Variants in CD226 observed in about 807,000 individuals in gnomAD.
The protein encoded by CD226 is CD226 molecule.
In CD226, 24 loss-of-function variants were observed where a neutral mutation model predicts 34.9. That is an observed-to-expected ratio of 0.69 (90% CI 0.50 to 0.97). The LOEUF is 0.97. Among genes scored for constraint, CD226 ranks in the 50% least tolerant of loss-of-function variants. CD226 has a pLI of 0.00. For missense variants in CD226, 397 were observed against 412.7 expected, an observed-to-expected ratio of 0.96 and a Z score of 0.33; for synonymous variants, 148 against 147.4, an observed-to-expected ratio of 1.00 and a Z score of -0.03.
At chr18:69,887,022 T>C (rs1984595719) in intron 3 of CD226, among the ~76,000 whole-genome samples, 1 of 152,214 alleles carries the variant, frequency 6.6e-6, no homozygotes, top group Admixed American at 6.5e-5. Context: ...TAATAACCCA[T>C]CTCATCTCTC....
Position 69,873,240 on chromosome 18 carries a change from G to A in CD226, c.734C>T (p.Thr245Ile). The A allele has an allele frequency of 6.4e-7, 1 of 1,572,316 alleles. No individual in the cohort carries two copies. Among genetic ancestry groups the A allele is most frequent in the Non-Finnish European group, 8.7e-7 (1 of 1,142,868 alleles). ...VMRLTVAEGKTDNQYTLFVAG... is the reference protein window; with the variant it reads ...VMRLTVAEGKIDNQYTLFVAG... Reference sequence around the variant, plus strand: ...CACAAAGAGGGTATATTGGTTATCGGTTTTACCTAGGAGAGAAAAAAAATA... The same window carrying A: ...CACAAAGAGGGTATATTGGTTATCGATTTTACCTAGGAGAGAAAAAAAATA... The change falls in exon 4 of 6, where the codon ACC becomes ATC. Residue 245 changes from threonine to isoleucine, a missense_variant. Coordinates refer to ENST00000582621, the MANE Select transcript of CD226 (RefSeq NM_001303618.2).
intron 5 of CD226, among the ~76,000 whole-genome samples, chr18:69,866,364 T>C (rs1716409599): frequency 6.6e-6 from 1 of 152,138 alleles, no homozygotes; most frequent in African/African-American, 2.4e-5. Flanking sequence ...AGCATGAAAA[T>C]ACATATCCCT....
At position 69,853,489 on chromosome 18, in the gene CD226, T is replaced by C. The variant is rs1982530829; in HGVS notation, c.*10825A>G. ...CAATGCTTTACTTCTGTGGCTCCTCTTACCCATGGAGTCTTCTAATTCTCA... is the reference window on the plus strand; with the variant it reads ...CAATGCTTTACTTCTGTGGCTCCTCCTACCCATGGAGTCTTCTAATTCTCA... On this transcript the variant is annotated 3_prime_UTR_variant, in exon 6 of 6. Transcript: ENST00000582621. 3 of 152,222 alleles carry C rather than the reference T, an allele frequency of 2.0e-5. No homozygotes were observed. The South Asian group carries it at 6.2e-4, about 32-fold the overall frequency. The allele number at this position is 152,222 out of a possible 1,614,324, so 9.4% of individuals were successfully genotyped here.
Position 69,864,423 on chromosome 18 carries a change from C to G in CD226, c.902G>C (p.Arg301Thr), listed in dbSNP as rs753094424. 4 of 1,613,392 alleles carry G rather than the reference C, an allele frequency of 2.5e-6. No homozygotes were observed. Among genetic ancestry groups the G allele is most frequent in the Non-Finnish European group, 3.4e-6 (4 of 1,179,598 alleles). Reference sequence around the variant, plus strand: ...AGGTTGACTGGTAGAGATGGGACTTCTATAGTTATTGGGTGCCTAGAAAGA... The same window carrying G: ...AGGTTGACTGGTAGAGATGGGACTTGTATAGTTATTGGGTGCCTAGAAAGA... ...WDTQKAPNNY[R>T]SPISTSQPTN... The change falls in exon 6 of 6, where the codon AGA (arginine) becomes ACA (threonine). Residue 301 changes from arginine to threonine, a missense_variant. Physicochemically the swap from Arg to Thr is moderately conservative, Grantham distance 71. Coordinates refer to ENST00000582621, the MANE Select transcript of CD226 (RefSeq NM_001303618.2).
upstream of CD226, among the ~76,000 whole-genome samples, chr18:69,958,603 G>A (rs1378996752): frequency 6.6e-6 from 1 of 152,128 alleles, no homozygotes; most frequent in African/African-American, 2.4e-5. Flanking sequence ...TACCCACGTG[G>A]TTCACAATAG....
Position 69,859,728 on chromosome 18 carries a change from C to CA in CD226, c.*4585dup, listed in dbSNP as rs1982721873. 6.7e-6 allele frequency: 1 copy of CA among 150,356 alleles called. No individual in the cohort carries two copies. Among genetic ancestry groups the CA allele is most frequent in the African/African-American group, 2.4e-5 (1 of 41,374 alleles). The allele number at this position is 150,356 out of a possible 1,614,324, so 9.3% of individuals were successfully genotyped here. On this transcript the variant is annotated 3_prime_UTR_variant, in exon 6 of 6. Coordinates refer to ENST00000582621, the MANE Select transcript of CD226 (RefSeq NM_001303618.2). ...TTCGGGAAAAACAAAAACAAACAAA[C>CA]AAAAAACCTGTAAAGCCCTTTGACC...
chr18:69,870,272 CTTTT>C (rs66643759), intron 4 of CD226, among the ~76,000 whole-genome samples: 3 of 124,096 alleles, frequency 2.4e-5, no homozygotes, highest in African/African-American at 5.9e-5. Flanking sequence ...TTGGCTCCCC[CTTTT>C]TTTTTTTTTT....
chr18:69,934,304 A>G (rs2055625089), intron 2 of CD226, among the ~76,000 whole-genome samples: 1 of 151,936 alleles, frequency 6.6e-6, no homozygotes. Context: ...ACACACACAC[A>G]CACACACGCA....
chr18:69,924,226 C>T (rs901212728), intron 2 of CD226, among the ~76,000 whole-genome samples: 1 of 151,986 alleles, frequency 6.6e-6, no homozygotes, highest in African/African-American at 2.4e-5. Flanking sequence ...TTATCTGCAT[C>T]GTATCTTGAA....
chr18:69,890,103 GA>G (rs1180160418), intron 3 of CD226, among the ~76,000 whole-genome samples: 3 of 151,658 alleles, frequency 2.0e-5, no homozygotes, highest in Non-Finnish European at 4.4e-5. Flanking sequence ...AAACGTTGAA[GA>G]AAAAAAATCT....
chr18:69,867,511 C>A (rs1983225056), intron 4 of CD226, 100 bp from the exon 5 acceptor site: 2 of 732,772 alleles, frequency 2.7e-6, no homozygotes, highest in Middle Eastern at 2.4e-4. Flanking sequence ...CCCACATGCA[C>A]CTTCTAATAT....
At chr18:69,879,823 T>C (rs544320669) in intron 3 of CD226, among the ~76,000 whole-genome samples, 1 of 152,348 alleles carries the variant, frequency 6.6e-6, no homozygotes, top group South Asian at 2.1e-4. Context: ...TCCGTTCAGG[T>C]TCCCTGACTT....
intron 2 of CD226, among the ~76,000 whole-genome samples, chr18:69,910,273 A>G (rs2055307908): frequency 6.6e-6 from 1 of 152,362 alleles, no homozygotes; most frequent in East Asian, 1.9e-4. Flanking sequence ...TTGACTTCAC[A>G]GTGGGAAAAC....
intron 2 of CD226, among the ~76,000 whole-genome samples, chr18:69,907,645 T>C (rs1453667285): frequency 1.3e-5 from 2 of 152,248 alleles, no homozygotes; most frequent in East Asian, 3.9e-4. Context: ...CCTGAGTCAA[T>C]GAAATCTCTC....
At position 69,881,204 on chromosome 18, in the gene CD226, A is replaced by C. The variant is rs532843824; in HGVS notation, c.728-7958T>G. The stretch of plus-strand genomic sequence containing the variant: ...ACTTTTTTTAGATTTTAAGAAAATA[A>C]ACTGAAATATTAGACCTTGTTTTGT... On this transcript the variant is annotated intron_variant, in intron 3 of 5. Transcript: ENST00000582621. 3.7e-4 allele frequency among the ~76,000 whole-genome samples: 56 copies of C among 152,366 alleles called. 1 individual carries two copies. The South Asian group carries it at 0.011, about 30-fold the overall frequency.
intron 3 of CD226, among the ~76,000 whole-genome samples, chr18:69,887,069 T>C (rs953512014): frequency 2.0e-5 from 3 of 152,208 alleles, no homozygotes; most frequent in Admixed American, 2.0e-4. Context: ...AAATGAATTA[T>C]ATGATTAGAT....
At chr18:69,951,539 T>C (rs1568211148), upstream of CD226, among the ~76,000 whole-genome samples, 1 of 152,082 alleles carries the variant, frequency 6.6e-6, no homozygotes, top group African/African-American at 2.4e-5. Context: ...AGAATGAATG[T>C]GGGGCTCAGA....
chr18:69,875,197 G>T (rs1238345235), intron 3 of CD226, among the ~76,000 whole-genome samples: 2 of 152,134 alleles, frequency 1.3e-5, no homozygotes, highest in Non-Finnish European at 2.9e-5. Context: ...GGAGTGCAGT[G>T]GCACAATCTC....
chr18:69,949,189 A>C (rs1490463370), upstream of CD226, among the ~76,000 whole-genome samples: 1 of 152,160 alleles, frequency 6.6e-6, no homozygotes, highest in African/African-American at 2.4e-5. Context: ...CTGTAACTCC[A>C]GCACCCAGCA....
Sources: gnomAD v4.1 joint callset for allele counts (sites outside exome capture counted in the v4.1 genomes callset) on GRCh38, gnomAD v4.1.1 for gene constraint, MANE v1.5 for transcripts, NCBI Gene and HGNC (gene_info 2026-07-23, HGNC 2026-07-21) for gene names.